The following BCAR3 variants were observed in gnomAD, a reference collection of about 807,000 sequenced individuals.
BCAR3 encodes the protein BCAR3 adaptor protein, NSP family member.
A neutral mutation model predicts 80.1 loss-of-function variants in BCAR3; 37 were observed. The ratio of observed to expected loss-of-function variants is 0.46; its 90% confidence interval spans 0.36 to 0.61. The LOEUF (loss-of-function observed/expected upper bound fraction) is 0.61. BCAR3 is among the 20% of genes least tolerant of loss of function. BCAR3 has a pLI of 0.00. For missense variants in BCAR3, 978 were observed against 1,068.2 expected (o/e 0.92, Z 1.18); for synonymous variants, 389 against 418.9 (o/e 0.93, Z 0.87).
At chr1:93,674,274 A>C (rs1182268563) in intron 2 of BCAR3, among the ~76,000 whole-genome samples, 1 of 152,144 alleles carries the variant, frequency 6.6e-6, no homozygotes, top group East Asian at 1.9e-4. Context: ...CCTAATAAAA[A>C]CTTCGGAGTC....
chr1:93,710,504 G>T (rs1649982400), intron 2 of BCAR3, among the ~76,000 whole-genome samples: 1 of 152,128 alleles, frequency 6.6e-6, no homozygotes, highest in South Asian at 2.1e-4. Context: ...CCTAATGCTG[G>T]TCCCTCAATA....
chr1:93,752,495 T>A (rs1651592661), intron 2 of BCAR3, among the ~76,000 whole-genome samples: 1 of 152,222 alleles, frequency 6.6e-6, no homozygotes, highest in African/African-American at 2.4e-5. Context: ...TGCCATCACA[T>A]GTCAATCGGT....
At chr1:93,663,384 G>A (rs1647751501) in intron 2 of BCAR3, among the ~76,000 whole-genome samples, 1 of 152,152 alleles carries the variant, frequency 6.6e-6, no homozygotes, top group Non-Finnish European at 1.5e-5. Context: ...GGTCAGGAAA[G>A]CACAGAGGAA....
At chr1:93,619,653 G>A (rs1675250889) in intron 3 of BCAR3, among the ~76,000 whole-genome samples, 1 of 152,204 alleles carries the variant, frequency 6.6e-6, no homozygotes, top group Admixed American at 6.5e-5. Context: ...CTCCCATGCA[G>A]AGTGCTGCAG....
rs543417539 is a variant in BCAR3 at position 93,731,567 on chromosome 1, C to A, written c.-62-25425G>T. Among the ~76,000 whole-genome samples, 7 of 151,930 alleles carry A rather than the reference C, an allele frequency of 4.6e-5. No individual in the cohort carries two copies. In the East Asian group the frequency reaches 1.4e-3, roughly 29 times the overall value. ...AGAAGGTACAAGGCCAGGGGCTCAGCTATGAAAACATGTTCTGAATGGGAT... is the reference window on the plus strand; with the variant it reads ...AGAAGGTACAAGGCCAGGGGCTCAGATATGAAAACATGTTCTGAATGGGAT... On this transcript the variant is annotated intron_variant, in intron 2 of 13. Coordinates refer to the BCAR3 transcript ENST00000370244.
chr1:93,708,959 C>T (rs750980505), intron 2 of BCAR3, among the ~76,000 whole-genome samples: 4 of 152,056 alleles, frequency 2.6e-5, no homozygotes, highest in Admixed American at 2.6e-4. Context: ...TTCTAAGCTT[C>T]GGGCTTGCAA....
chr1:93,629,393 G>A (rs992042665), intron 3 of BCAR3, among the ~76,000 whole-genome samples: 4 of 152,128 alleles, frequency 2.6e-5, no homozygotes. Flanking sequence ...AACACTTTGG[G>A]CCAAATGCAA....
At chr1:93,622,595 C>T (rs1194186041) in intron 3 of BCAR3, among the ~76,000 whole-genome samples, 4 of 152,164 alleles carry the variant, frequency 2.6e-5, no homozygotes, top group Admixed American at 2.6e-4. Context: ...GCAACAAAGG[C>T]TTGCTGCACA....
Position 93,786,120 on chromosome 1 carries a change from G to A in BCAR3, c.-63+59447C>T, listed in dbSNP as rs574479435. Among the ~76,000 whole-genome samples the A allele has an allele frequency of 9.4e-5, 11 of 116,446 alleles. No individual in the cohort carries two copies. In the Admixed American group the frequency reaches 9.7e-4, roughly 10 times the overall value. The allele number at this position is 116,446 out of a possible 152,430, so 76.4% of individuals were successfully genotyped here. On this transcript the variant is annotated intron_variant, in intron 2 of 13. Transcript: ENST00000370244. ...AGGCAGGAGAATGGCGTGAACCCGG[G>A]AGGCGGAGCTTGCAGTGAGCCGAGA...
At chr1:93,667,666 A>C (rs1053796976) in intron 2 of BCAR3, among the ~76,000 whole-genome samples, 2 of 152,242 alleles carry the variant, frequency 1.3e-5, no homozygotes, top group African/African-American at 4.8e-5. Context: ...ATAACAGCAC[A>C]GTCCTTCAAA....
chr1:93,714,069 G>A (rs995848896), intron 2 of BCAR3, among the ~76,000 whole-genome samples: 1 of 152,044 alleles, frequency 6.6e-6, no homozygotes, highest in Non-Finnish European at 1.5e-5. Context: ...TGCAAGCTCC[G>A]CCTCCTGGGT....
At chr1:93,620,725 A>G (rs1471987897) in intron 3 of BCAR3, among the ~76,000 whole-genome samples, 1 of 152,060 alleles carries the variant, frequency 6.6e-6, no homozygotes, top group Non-Finnish European at 1.5e-5. Context: ...TCCCCAGAGA[A>G]CCACCTCTCA....
rs533424231 is a variant in BCAR3 at position 93,716,652 on chromosome 1, A to G, written c.-62-10510T>C. On this transcript the variant is annotated intron_variant, in intron 2 of 13. Transcript: ENST00000370244. The stretch of plus-strand genomic sequence containing the variant: ...TGAGACAACCAAGAGGAATGCCGAG[A>G]AAGGGTGCCTCATGAGCAGGTGACC... Among the ~76,000 whole-genome samples, 8 of 152,360 alleles carry G rather than the reference A, an allele frequency of 5.3e-5. No homozygotes were observed. The South Asian group carries it at 1.7e-3, about 32-fold the overall frequency.
chr1:93,632,667 T>C (rs890521832), intron 3 of BCAR3, among the ~76,000 whole-genome samples: 12 of 152,174 alleles, frequency 7.9e-5, no homozygotes, highest in Non-Finnish European at 1.8e-4. Flanking sequence ...AATACATAAA[T>C]GAATGGGCAT....
chr1:93,622,315 A>G (rs1675339271), intron 3 of BCAR3, among the ~76,000 whole-genome samples: 1 of 152,244 alleles, frequency 6.6e-6, no homozygotes. Flanking sequence ...CTTAAAGTTA[A>G]TGATTAAAAC....
chr1:93,749,893 T>TA (rs1557675332), intron 2 of BCAR3, among the ~76,000 whole-genome samples: 1 of 151,616 alleles, frequency 6.6e-6, no homozygotes, highest in Non-Finnish European at 1.5e-5. Context: ...TGACTTATTT[T>TA]TTTTTTTTTT....
intron 2 of BCAR3, among the ~76,000 whole-genome samples, chr1:93,672,511 C>T (rs1407418811): frequency 4.6e-5 from 7 of 152,180 alleles, no homozygotes; most frequent in Admixed American, 2.6e-4. Context: ...GTTCTGACTC[C>T]GTATCACACA....
chr1:93,797,547 T>C (rs1653321233), intron 2 of BCAR3, among the ~76,000 whole-genome samples: 1 of 152,144 alleles, frequency 6.6e-6, no homozygotes. Flanking sequence ...AATTATCTCA[T>C]GGGATAATTG....
intron 3 of BCAR3, among the ~76,000 whole-genome samples, chr1:93,634,417 C>T (rs236281): frequency 0.047 from 7,091 of 151,980 alleles, 263 homozygotes; most frequent in East Asian, 0.12. Flanking sequence ...TTTGGCTGGG[C>T]GCAGTGGCTC....
Sources: gnomAD v4.1 joint callset for allele counts (sites outside exome capture counted in the v4.1 genomes callset) on GRCh38, gnomAD v4.1.1 for gene constraint, MANE v1.5 for transcripts, NCBI Gene and HGNC (gene_info 2026-07-23, HGNC 2026-07-21) for gene names.